Variants in TEAD1 observed in about 807,000 individuals in gnomAD.
TEAD1 encodes TEA domain transcription factor 1, also known as transcriptional enhancer factor TEF-1.
A neutral mutation model predicts 54.9 loss-of-function variants in TEAD1; 9 were observed. The ratio of observed to expected loss-of-function variants is 0.16; its 90% CI spans 0.10 to 0.29. The LOEUF is 0.29. Among genes scored for constraint, TEAD1 ranks in the 10% least tolerant of loss-of-function variants. The pLI is 1.00. For missense variants in TEAD1, 387 were observed against 535.9 expected (o/e 0.72, Z 2.74); for synonymous variants, 200 against 187.8 (o/e 1.07, Z -0.53).
chr11:12,783,098 TTGTGTGTGTGTGTGTGTG>T (rs34564715), intron 3 of TEAD1, among the ~76,000 whole-genome samples: 5 of 139,272 alleles, frequency 3.6e-5, no homozygotes, highest in East Asian at 2.1e-4. Flanking sequence ...AGGTAAGGGT[TTGTGTGTGTGTGTGTGTG>T]TGTGTGTGTG....
At chr11:12,918,548 T>G (rs1299499750) in intron 10 of TEAD1, among the ~76,000 whole-genome samples, 3 of 151,900 alleles carry the variant, frequency 2.0e-5, no homozygotes, top group Non-Finnish European at 4.4e-5. Context: ...CACTAATAAT[T>G]AAATAGAGAA....
At chr11:12,889,739 T>C (rs1948159580) in intron 9 of TEAD1, among the ~76,000 whole-genome samples, 1 of 152,130 alleles carries the variant, frequency 6.6e-6, no homozygotes, top group Non-Finnish European at 1.5e-5. Context: ...TTTTTTTAAT[T>C]GAGGCAGGGT....
chr11:12,919,119 G>T (rs565130087), intron 10 of TEAD1, among the ~76,000 whole-genome samples: 8 of 152,272 alleles, frequency 5.3e-5, no homozygotes, highest in Non-Finnish European at 8.8e-5. Flanking sequence ...TTAATTTTAT[G>T]TAAAACTGTT....
At chr11:12,791,260 A>C (rs1313699161) in intron 3 of TEAD1, among the ~76,000 whole-genome samples, 3 of 152,188 alleles carry the variant, frequency 2.0e-5, no homozygotes, top group Non-Finnish European at 4.4e-5. Flanking sequence ...TGTTTAAGGA[A>C]ATTCAGGAGT....
chr11:12,902,963 T>A (rs184941166), intron 10 of TEAD1, among the ~76,000 whole-genome samples: 1 of 152,306 alleles, frequency 6.6e-6, no homozygotes, highest in African/African-American at 2.4e-5. Context: ...ATTTCTCTTT[T>A]AATCCCATTG....
chr11:12,870,344 A>G (rs925032957), intron 5 of TEAD1, among the ~76,000 whole-genome samples: 1 of 152,140 alleles, frequency 6.6e-6, no homozygotes, highest in African/African-American at 2.4e-5. Context: ...TTCAGGACAT[A>G]TAGGGGATGG....
chr11:12,681,138 C>G (rs1943212442), intron 2 of TEAD1, among the ~76,000 whole-genome samples: 1 of 151,998 alleles, frequency 6.6e-6, no homozygotes, highest in Admixed American at 6.5e-5. Context: ...ACCATCAGCC[C>G]CATCTTGAAA....
chr11:12,853,788 G>A (rs576520814), intron 3 of TEAD1, among the ~76,000 whole-genome samples: 1 of 152,296 alleles, frequency 6.6e-6, no homozygotes, highest in South Asian at 2.1e-4. Context: ...GTTGTCACAT[G>A]ATAATGTTAT....
At chr11:12,886,658 C>G (rs1403718448) in intron 9 of TEAD1, among the ~76,000 whole-genome samples, 1 of 151,646 alleles carries the variant, frequency 6.6e-6, no homozygotes. Flanking sequence ...TCCTTTGTCA[C>G]AACTGATTTT....
At position 12,694,292 on chromosome 11, in the gene TEAD1, A is replaced by G. The variant is rs192024006; in HGVS notation, c.-55+18731A>G. On this transcript the variant is annotated intron_variant, in intron 2 of 12. Transcript: ENST00000527636. ...TCACTTGAGAGAAAGGAGAGAAAAA[A>G]GAGAGAGAGGGGAGAGAGACGAGAG... Among the ~76,000 whole-genome samples, 5 of 135,840 alleles carry G rather than the reference A, an allele frequency of 3.7e-5. No homozygotes were observed. The East Asian group carries it at 9.6e-4, about 26-fold the overall frequency. The allele number at this position is 135,840 out of a possible 152,430, so 89.1% of individuals were successfully genotyped here.
chr11:12,694,291 AAG>A (rs112954521), intron 2 of TEAD1, among the ~76,000 whole-genome samples: 9,086 of 152,132 alleles, frequency 0.06, 935 homozygotes, highest in African/African-American at 0.21. Flanking sequence ...GGAGAGAAAA[AAG>A]AGAGAGAGGG....
intron 3 of TEAD1, among the ~76,000 whole-genome samples, chr11:12,778,803 T>G (rs1945485206): frequency 6.6e-6 from 1 of 152,184 alleles, no homozygotes; most frequent in South Asian, 2.1e-4. Context: ...AGAATTTTGA[T>G]TTCATAAATA....
At chr11:12,918,825 A>G (rs888083817) in intron 10 of TEAD1, among the ~76,000 whole-genome samples, 2 of 152,362 alleles carry the variant, frequency 1.3e-5, no homozygotes, top group South Asian at 4.1e-4. Flanking sequence ...TGAATGAACT[A>G]TATACAACAA....
rs372596203 is a variant in TEAD1 at position 12,901,917 on chromosome 11, A to G, written c.700-23A>G. The G allele has an allele frequency of 3.7e-6, 6 of 1,614,052 alleles. No individual in the cohort carries two copies. The African/African-American group carries it at 5.3e-5, about 14-fold the overall frequency. The stretch of plus-strand genomic sequence containing the variant: ...GTTGATCAAAGAGTTTGTAATGGGA[A>G]TGTTTCTGTTGGTTTCTTACAGTAC... On this transcript the variant is annotated intron_variant, in intron 9 of 12. Coordinates refer to ENST00000527636, the MANE Select transcript of TEAD1 (RefSeq NM_021961.6).
rs1943767738 is a variant in TEAD1, at chr11:12,704,315, G to C, written c.-55+28754G>C. 5.3e-5 allele frequency among the ~76,000 whole-genome samples: 8 copies of C among 152,202 alleles called. No homozygotes were observed. The South Asian group carries it at 1.7e-3, about 31-fold the overall frequency. ...GTTAGACAGAGTTGAAGTGTCTGAG[G>C]CCAGTTCACCCCAGTCATAGTAACT... On this transcript the variant is annotated intron_variant, in intron 2 of 12. Transcript: ENST00000527636.
chr11:12,803,225 A>G lies in TEAD1; in HGVS notation c.202+38791A>G, dbSNP rs150092307. Reference sequence around the variant, plus strand: ...CTTTAATATTCCCTGTTTATAGTACATTTCCATGATTAGTCATCTTGAAAC... The same window carrying G: ...CTTTAATATTCCCTGTTTATAGTACGTTTCCATGATTAGTCATCTTGAAAC... On this transcript the variant is annotated intron_variant, in intron 3 of 12. Coordinates refer to ENST00000527636, the MANE Select transcript of TEAD1 (RefSeq NM_021961.6). 7.9e-3 allele frequency among the ~76,000 whole-genome samples: 1,194 copies of G among 151,340 alleles called. 19 individuals are homozygous for G. The highest frequency in any genetic ancestry group is 0.028 in the African/African-American group (1,141 of 41,186).
chr11:12,717,888 G>T (rs1405925900), intron 2 of TEAD1, among the ~76,000 whole-genome samples: 1 of 152,218 alleles, frequency 6.6e-6, no homozygotes, highest in East Asian at 1.9e-4. Flanking sequence ...CATTTACTGG[G>T]TTGTACAGTG....
chr11:12,923,145 G>A (rs765594100), intron 10 of TEAD1, among the ~76,000 whole-genome samples: 5 of 151,906 alleles, frequency 3.3e-5, no homozygotes, highest in Non-Finnish European at 7.4e-5. Context: ...GTGCCTTTTG[G>A]AAGGCAGAGC....
intron 9 of TEAD1, among the ~76,000 whole-genome samples, chr11:12,893,148 G>A (rs981840706): frequency 2.6e-5 from 4 of 152,206 alleles, no homozygotes; most frequent in Admixed American, 6.5e-5. Flanking sequence ...ATAAGTGGTC[G>A]GAAAGTACAT....
Sources: allele counts gnomAD v4.1 joint callset (sites outside exome capture counted in the v4.1 genomes callset), GRCh38; gene constraint gnomAD v4.1.1; transcripts MANE v1.5; gene names NCBI Gene and HGNC (gene_info 2026-07-23, HGNC 2026-07-21).